AKAP6: variants seen among roughly 807,000 people sequenced by gnomAD.
AKAP6 encodes the protein A-kinase anchoring protein 6.
In AKAP6, 58 loss-of-function variants were observed where a neutral mutation model predicts 188.5. The observed-to-expected ratio is 0.31, with a 90% CI of 0.25 to 0.38. AKAP6 has a LOEUF of 0.38. Among genes scored for constraint, AKAP6 ranks in the 10% least tolerant of loss-of-function variants. The pLI is 1.00. For synonymous variants in AKAP6, 989 were observed against 998.6 expected (o/e 0.99, Z 0.18); for missense variants, 2,710 against 2,740.0 (o/e 0.99, Z 0.24).
At chr14:32,588,694 T>C (rs1885355348) in intron 5 of AKAP6, among the ~76,000 whole-genome samples, 1 of 151,256 alleles carries the variant, frequency 6.6e-6, no homozygotes, top group Admixed American at 6.6e-5. Flanking sequence ...CTTACAGTCT[T>C]GGTATCCGTG....
chr14:32,737,900 A>G (rs1487750487), intron 11 of AKAP6, among the ~76,000 whole-genome samples: 1 of 152,210 alleles, frequency 6.6e-6, no homozygotes, highest in Non-Finnish European at 1.5e-5. Flanking sequence ...ACAAGGGATC[A>G]GGATCTTCAG....
At chr14:32,797,033 A>T (rs1244456629) in intron 12 of AKAP6, among the ~76,000 whole-genome samples, 1 of 152,238 alleles carries the variant, frequency 6.6e-6, no homozygotes, top group Non-Finnish European at 1.5e-5. Context: ...AAAAAAGCTC[A>T]ACATCACTGA....
At chr14:32,486,841 T>G (rs1482991490) in intron 2 of AKAP6, among the ~76,000 whole-genome samples, 1 of 152,226 alleles carries the variant, frequency 6.6e-6, no homozygotes, top group Admixed American at 6.5e-5. Context: ...TGGCCAGAAC[T>G]TCCAACGCTA....
chr14:32,755,622 G>T (rs1483439908), intron 11 of AKAP6, among the ~76,000 whole-genome samples: 1 of 151,714 alleles, frequency 6.6e-6, no homozygotes, highest in East Asian at 1.9e-4. Context: ...CAACCTCTTG[G>T]GCTCAAGGGT....
At chr14:32,638,000 C>G (rs1209145943) in intron 7 of AKAP6, among the ~76,000 whole-genome samples, 1 of 152,076 alleles carries the variant, frequency 6.6e-6, no homozygotes, top group African/African-American at 2.4e-5. Flanking sequence ...GTGAGTCACA[C>G]AGAGACACTC....
chr14:32,510,424 A>ATGTGTATATATG (rs1566546602), intron 2 of AKAP6, among the ~76,000 whole-genome samples: 1 of 83,704 alleles, frequency 1.2e-5, no homozygotes, highest in East Asian at 2.6e-4. Flanking sequence ...GTATATATAT[A>ATGTGTATATATG]CATATATATA....
intron 11 of AKAP6, among the ~76,000 whole-genome samples, chr14:32,738,581 C>CT (rs1419918126): frequency 6.6e-6 from 1 of 152,052 alleles, no homozygotes; most frequent in African/African-American, 2.4e-5. Context: ...TGATGACCTT[C>CT]TTATATGTGT....
At chr14:32,538,345 AT>A (rs1288338097) in intron 3 of AKAP6, among the ~76,000 whole-genome samples, 5 of 152,184 alleles carry the variant, frequency 3.3e-5, no homozygotes, top group Non-Finnish European at 7.4e-5. Context: ...AAACACCCAA[AT>A]TTAAAAAGCA....
At chr14:32,486,075 A>T (rs991354986) in intron 2 of AKAP6, among the ~76,000 whole-genome samples, 13 of 152,178 alleles carry the variant, frequency 8.5e-5, no homozygotes, top group African/African-American at 3.1e-4. Context: ...TAAATAGGGA[A>T]TCCTTTTTCC....
At chr14:32,454,970 C>G (rs916698028) in intron 2 of AKAP6, among the ~76,000 whole-genome samples, 1 of 143,624 alleles carries the variant, frequency 7.0e-6, no homozygotes, top group Non-Finnish European at 1.5e-5. Context: ...CTCCCTTTCT[C>G]CCTTTCTTCC....
At chr14:32,714,119 TG>T (rs1472586587) in intron 9 of AKAP6, among the ~76,000 whole-genome samples, 2 of 151,988 alleles carry the variant, frequency 1.3e-5, no homozygotes, top group Non-Finnish European at 1.5e-5. Context: ...GAACTGCTGG[TG>T]GGTGGAGCAA....
At chr14:32,432,047 A>C (rs551377606) in intron 1 of AKAP6, among the ~76,000 whole-genome samples, 4 of 152,164 alleles carry the variant, frequency 2.6e-5, no homozygotes, top group Non-Finnish European at 5.9e-5. Context: ...TTGGTATGTA[A>C]AAATAATTTT....
rs374798962 is a variant in AKAP6, at chr14:32,521,365, G to T, written c.325-14189G>T. Among the ~76,000 whole-genome samples the T allele has an allele frequency of 9.9e-5, 15 of 151,976 alleles. No individual in the cohort carries two copies. The East Asian group carries it at 1.5e-3, about 16-fold the overall frequency. ...AATCAAGCAGGAGAAAGAAATAAAGGGTATTCAATTAGGAAAAGAGGAAGT... is the reference window on the plus strand; with the variant it reads ...AATCAAGCAGGAGAAAGAAATAAAGTGTATTCAATTAGGAAAAGAGGAAGT... On this transcript the variant is annotated intron_variant, in intron 2 of 13. Transcript: ENST00000280979.
intron 9 of AKAP6, among the ~76,000 whole-genome samples, chr14:32,710,116 C>G (rs956519688): frequency 6.6e-6 from 1 of 151,296 alleles, no homozygotes; most frequent in South Asian, 2.1e-4. Flanking sequence ...ACGACTGTAG[C>G]TTTTCTGAGA....
chr14:32,478,447 A>G (rs568288520), intron 2 of AKAP6, among the ~76,000 whole-genome samples: 120 of 152,314 alleles, frequency 7.9e-4, no homozygotes, highest in African/African-American at 2.6e-3. Context: ...AGCAGCAGTA[A>G]CACTAACAGC....
chr14:32,691,192 A>G (rs977118901), intron 8 of AKAP6, among the ~76,000 whole-genome samples: 2 of 152,186 alleles, frequency 1.3e-5, no homozygotes, highest in African/African-American at 2.4e-5. Context: ...CTCTCCCTTC[A>G]AAAGAGAGAG....
intron 1 of AKAP6, among the ~76,000 whole-genome samples, chr14:32,408,856 G>C (rs12888500): frequency 6.6e-6 from 1 of 151,876 alleles, no homozygotes; most frequent in East Asian, 1.9e-4. Context: ...CTGGTGAAAG[G>C]CTTCATGTGT....
intron 3 of AKAP6, among the ~76,000 whole-genome samples, chr14:32,538,699 G>A (rs1215006941): frequency 6.6e-6 from 1 of 151,966 alleles, no homozygotes; most frequent in Non-Finnish European, 1.5e-5. Context: ...ATTGTGATAA[G>A]CACTTTAAAT....
At chr14:32,736,295 A>G (rs2300831) in intron 11 of AKAP6, among the ~76,000 whole-genome samples, 23,385 of 152,152 alleles carry the variant, frequency 0.15, 1,886 homozygotes, top group Middle Eastern at 0.22. Context: ...TACTGCTAAC[A>G]AAAGGAAACA....
Sources: allele counts gnomAD v4.1 joint callset (sites outside exome capture counted in the v4.1 genomes callset), GRCh38; gene constraint gnomAD v4.1.1; transcripts MANE v1.5; gene names NCBI Gene and HGNC (gene_info 2026-07-23, HGNC 2026-07-21).